ZNF804B: variants seen among roughly 807,000 people sequenced by gnomAD.
ZNF804B encodes the protein zinc finger protein 804B.
ZNF804B carries 80 observed loss-of-function variants against 101.4 expected under a neutral mutation model. That is an observed-to-expected ratio of 0.79 (90% CI 0.66 to 0.95). The LOEUF (loss-of-function observed/expected upper bound fraction) is 0.95. Among genes scored for constraint, ZNF804B ranks in the 40% least tolerant of loss-of-function variants. The probability of loss-of-function intolerance (pLI) is 0.00; values close to 1 mark genes in which losing one functional copy is unlikely to be tolerated. For missense variants in ZNF804B, 1,673 were observed against 1,561.9 expected (o/e 1.07, Z -1.20); for synonymous variants, 622 against 558.8 (o/e 1.11, Z -1.59).
At chr7:89,252,309 C>CA (rs1415351390) in intron 2 of ZNF804B, among the ~76,000 whole-genome samples, 3 of 151,862 alleles carry the variant, frequency 2.0e-5, no homozygotes, top group Non-Finnish European at 4.4e-5. Flanking sequence ...GAAAAAATAT[C>CA]AAAACCACAA....
At chr7:89,300,796 G>A (rs1013779848) in intron 2 of ZNF804B, among the ~76,000 whole-genome samples, 2 of 151,878 alleles carry the variant, frequency 1.3e-5, no homozygotes, top group Non-Finnish European at 2.9e-5. Context: ...GCTTTAATCA[G>A]GCAAAAGGCT....
intron 1 of ZNF804B, among the ~76,000 whole-genome samples, chr7:89,215,816 G>A (rs1200409591): frequency 6.6e-6 from 1 of 151,348 alleles, no homozygotes; most frequent in African/African-American, 2.4e-5. Context: ...AACGGGAGGT[G>A]GAGCTTACAG....
intron 1 of ZNF804B, among the ~76,000 whole-genome samples, chr7:89,200,630 C>A (rs1193721235): frequency 1.3e-5 from 2 of 151,972 alleles, no homozygotes; most frequent in Non-Finnish European, 2.9e-5. Flanking sequence ...AATTTCAAAT[C>A]ATGAACAATC....
chr7:89,121,865 C>T (rs1377216704), intron 1 of ZNF804B, among the ~76,000 whole-genome samples: 1 of 151,902 alleles, frequency 6.6e-6, no homozygotes, highest in Non-Finnish European at 1.5e-5. Context: ...ATGAACTTAC[C>T]CTAAAGACAA....
intron 1 of ZNF804B, among the ~76,000 whole-genome samples, chr7:89,049,956 G>C (rs939334745): frequency 1.3e-5 from 2 of 152,150 alleles, no homozygotes; most frequent in Non-Finnish European, 2.9e-5. Context: ...AGGTTGCAGT[G>C]AGCTGAGATC....
intron 1 of ZNF804B, among the ~76,000 whole-genome samples, chr7:89,125,982 CCT>C (rs1790470065): frequency 6.6e-6 from 1 of 151,978 alleles, no homozygotes; most frequent in African/African-American, 2.4e-5. Context: ...CAAGGTTCCC[CCT>C]GATGATCAGA....
chr7:88,809,911 C>A (rs141096540), intron 1 of ZNF804B, among the ~76,000 whole-genome samples: 1 of 152,156 alleles, frequency 6.6e-6, no homozygotes, highest in South Asian at 2.1e-4. Context: ...GGCCAAGTAG[C>A]GATGGACCAA....
At chr7:88,779,175 ATTG>A (rs1790188581) in intron 1 of ZNF804B, among the ~76,000 whole-genome samples, 1 of 152,210 alleles carries the variant, frequency 6.6e-6, no homozygotes, top group Admixed American at 6.5e-5. Flanking sequence ...ATCTCCATCA[ATTG>A]TTGTTTAAAT....
At chr7:89,320,488 A>C (rs1221265617) in intron 2 of ZNF804B, among the ~76,000 whole-genome samples, 1 of 152,118 alleles carries the variant, frequency 6.6e-6, no homozygotes, top group East Asian at 1.9e-4. Flanking sequence ...CACACAAAAA[A>C]ACAGTGCCAA....
At position 89,242,203 on chromosome 7, in the gene ZNF804B, A is replaced by G. The variant is rs796766443; in HGVS notation, c.249+23908A>G. Among the ~76,000 whole-genome samples, 88 of 152,138 alleles carry G rather than the reference A, an allele frequency of 5.8e-4. 1 individual carries two copies. Among genetic ancestry groups the G allele is most frequent in the African/African-American group, 2.0e-3 (83 of 41,562 alleles). ...AACACCTAGAACAATGTTTATGCAT[A>G]CTGACACTCAACTGTTAGATGAATG... On this transcript the variant is annotated intron_variant, in intron 2 of 3. Transcript: ENST00000333190.
Position 89,337,007 on chromosome 7 carries a change from T to C in ZNF804B, c.4025T>C (p.Leu1342Ser), listed in dbSNP as rs929060335. ...CAGCTAAATGAAGTGAAAGAGGCCTTAAATGTGTCCACACACTTGAACTAA... is the reference window on the plus strand; with the variant it reads ...CAGCTAAATGAAGTGAAAGAGGCCTCAAATGTGTCCACACACTTGAACTAA... ...MQQLNEVKEALNVSTHLN is the reference protein window; with the variant it reads ...MQQLNEVKEASNVSTHLN Residue 1342 changes from leucine to serine, a missense_variant, in exon 4 of 4, where the codon TTA (leucine) becomes TCA (serine). Coordinates refer to ENST00000333190, the MANE Select transcript of ZNF804B (RefSeq NM_181646.5). 1.9e-6 allele frequency: 3 copies of C among 1,613,932 alleles called. No homozygotes were observed. The highest frequency in any genetic ancestry group is 2.5e-6 in the Non-Finnish European group (3 of 1,179,922).
intron 1 of ZNF804B, among the ~76,000 whole-genome samples, chr7:89,119,968 ATT>A (rs5885656): frequency 3.5e-4 from 53 of 150,216 alleles, no homozygotes; most frequent in African/African-American, 8.0e-4. Context: ...TTATCTAAAT[ATT>A]TTTTTTTTTA....
intron 1 of ZNF804B, among the ~76,000 whole-genome samples, chr7:88,827,368 T>C (rs1791064694): frequency 6.6e-6 from 1 of 151,534 alleles, no homozygotes; most frequent in South Asian, 2.1e-4. Flanking sequence ...ACATTCAGCT[T>C]AAAATATTTG....
chr7:88,997,354 T>C (rs189746486), intron 1 of ZNF804B, among the ~76,000 whole-genome samples: 72 of 152,290 alleles, frequency 4.7e-4, no homozygotes, highest in Non-Finnish European at 9.3e-4. Context: ...TGTTAGATTA[T>C]CCTCACTTAG....
chr7:89,112,135 AAC>A (rs3060292), intron 1 of ZNF804B, among the ~76,000 whole-genome samples: 98,048 of 149,150 alleles, frequency 0.66, 33,656 homozygotes, highest in African/African-American at 0.86. Context: ...TTAAAATGGC[AAC>A]ACTTTTATGT....
chr7:89,172,046 A>G (rs1477888316), intron 1 of ZNF804B, among the ~76,000 whole-genome samples: 5 of 152,088 alleles, frequency 3.3e-5, no homozygotes, highest in Non-Finnish European at 7.4e-5. Flanking sequence ...AAAAGATGTC[A>G]TGGTCTCATC....
rs148391870 is a variant in ZNF804B at position 89,221,028 on chromosome 7, A to G, written c.249+2733A>G. Among the ~76,000 whole-genome samples, 577 of 151,962 alleles carry G rather than the reference A, an allele frequency of 3.8e-3. 3 individuals carry two copies. The highest frequency in any genetic ancestry group is 0.013 in the African/African-American group (554 of 41,500). On this transcript the variant is annotated intron_variant, in intron 2 of 3. Transcript: ENST00000333190. ...ATTAGAGGGTATTTTGTGTCCTTCCATAAGGAGGCATATAATGTCTGGTTG... is the reference window on the plus strand; with the variant it reads ...ATTAGAGGGTATTTTGTGTCCTTCCGTAAGGAGGCATATAATGTCTGGTTG...
intron 1 of ZNF804B, among the ~76,000 whole-genome samples, chr7:89,002,012 A>G (rs781089007): frequency 1.3e-5 from 2 of 151,742 alleles, no homozygotes; most frequent in South Asian, 2.1e-4. Flanking sequence ...TGTTGAAACA[A>G]TGAATCATAA....
chr7:88,885,379 T>C (rs188891242), intron 1 of ZNF804B, among the ~76,000 whole-genome samples: 64 of 151,708 alleles, frequency 4.2e-4, no homozygotes, highest in African/African-American at 1.5e-3. Context: ...CCGGGTTTTC[T>C]CTGTGACTGC....
Sources: gnomAD v4.1 joint callset for allele counts (sites outside exome capture counted in the v4.1 genomes callset) on GRCh38, gnomAD v4.1.1 for gene constraint, MANE v1.5 for transcripts, NCBI Gene and HGNC (gene_info 2026-07-23, HGNC 2026-07-21) for gene names.